ARB2A: variants seen among roughly 807,000 people sequenced by gnomAD.
ARB2A encodes the protein ARB2 cotranscriptional regulator A.
At chr5:93,821,858 C>T in the ARB2A span, among the ~76,000 whole-genome samples, 8 of 151,396 alleles carry the variant, frequency 5.3e-5, no homozygotes, top group Admixed American at 1.3e-4. Context: ...TGCCACCATC[C>T]GTATGCTTCC....
chr5:94,087,936 G>T, the ARB2A span, among the ~76,000 whole-genome samples: 7 of 152,186 alleles, frequency 4.6e-5, no homozygotes, highest in African/African-American at 1.7e-4. Context: ...TATGCTGTTC[G>T]CACAACAATG....
the ARB2A span, chr5:93,824,395 AATAAT>A: frequency 1.9e-6 from 1 of 514,722 alleles, no homozygotes; most frequent in Non-Finnish European, 3.1e-6. Context: ...TCAAAATAAA[AATAAT>A]ATAAAAGAAC....
the ARB2A span, among the ~76,000 whole-genome samples, chr5:93,992,272 C>T: frequency 1.3e-5 from 2 of 151,972 alleles, no homozygotes; most frequent in Non-Finnish European, 2.9e-5. Context: ...ACAGTAAGTT[C>T]TTTAAGCTAA....
chr5:94,012,274 T>C, the ARB2A span, among the ~76,000 whole-genome samples: 165 of 152,224 alleles, frequency 1.1e-3, no homozygotes, highest in East Asian at 2.7e-3. Context: ...TGGTGGTGGG[T>C]GCCTGTAGTC....
the ARB2A span, chr5:94,050,930 T>G: frequency 1.2e-6 from 1 of 827,968 alleles, no homozygotes; most frequent in Non-Finnish European, 1.8e-6. Flanking sequence ...TAAAATAACT[T>G]TCTCAGAACA....
At chr5:93,849,834 A>G in the ARB2A span, among the ~76,000 whole-genome samples, 1 of 152,238 alleles carries the variant, frequency 6.6e-6, no homozygotes, top group East Asian at 1.9e-4. Context: ...AAATTAGGCC[A>G]GCTCAAAAGG....
chr5:93,854,186 G>A, the ARB2A span, among the ~76,000 whole-genome samples: 179 of 152,294 alleles, frequency 1.2e-3, no homozygotes, highest in African/African-American at 4.1e-3. Flanking sequence ...TTAGTCTTGG[G>A]AGGGTGTATG....
the ARB2A span, among the ~76,000 whole-genome samples, chr5:93,842,081 T>C: frequency 1.3e-5 from 2 of 152,186 alleles, no homozygotes; most frequent in Non-Finnish European, 2.9e-5. Flanking sequence ...TATGTTTCAA[T>C]TGTTAGGAAA....
the ARB2A span, among the ~76,000 whole-genome samples, chr5:93,979,343 C>T: frequency 6.6e-6 from 1 of 151,904 alleles, no homozygotes; most frequent in Non-Finnish European, 1.5e-5. Context: ...TATTATGGTT[C>T]AATGGAAACA....
chr5:93,922,074 A>G, the ARB2A span, among the ~76,000 whole-genome samples: 1 of 152,188 alleles, frequency 6.6e-6, no homozygotes, highest in Non-Finnish European at 1.5e-5. Flanking sequence ...TGTCAATGCC[A>G]TAGAAGAGAA....
At chr5:93,925,425 A>G in the ARB2A span, among the ~76,000 whole-genome samples, 1 of 152,218 alleles carries the variant, frequency 6.6e-6, no homozygotes, top group African/African-American at 2.4e-5. Flanking sequence ...GGCAGAGAAG[A>G]AAGCCCATTA....
chr5:94,039,770 T>C, the ARB2A span, among the ~76,000 whole-genome samples: 2 of 152,144 alleles, frequency 1.3e-5, no homozygotes, highest in Non-Finnish European at 2.9e-5. Flanking sequence ...GAAGGGACTA[T>C]AGTGCAGAAA....
the ARB2A span, among the ~76,000 whole-genome samples, chr5:94,002,014 T>G: frequency 1.3e-5 from 2 of 152,112 alleles, no homozygotes; most frequent in Non-Finnish European, 2.9e-5. Flanking sequence ...ACTATGAGCT[T>G]CACAGGTGTT....
chr5:93,940,843 A>G, the ARB2A span, among the ~76,000 whole-genome samples: 1 of 152,146 alleles, frequency 6.6e-6, no homozygotes, highest in Non-Finnish European at 1.5e-5. Flanking sequence ...AGTTTAGACT[A>G]TTTCCTACTA....
At chr5:93,634,755 T>C in the ARB2A span, among the ~76,000 whole-genome samples, 1 of 152,084 alleles carries the variant, frequency 6.6e-6, no homozygotes, top group African/African-American at 2.4e-5. Context: ...AATATAAAAC[T>C]GAGACTCTTT....
At chr5:93,866,455 G>C in the ARB2A span, among the ~76,000 whole-genome samples, 112 of 152,038 alleles carry the variant, frequency 7.4e-4, no homozygotes, top group Non-Finnish European at 9.1e-4. Flanking sequence ...CACACACACA[G>C]AAACCCACAT....
chr5:93,866,043 T>G, the ARB2A span: 2 of 983,418 alleles, frequency 2.0e-6, no homozygotes, highest in Non-Finnish European at 2.4e-6. Context: ...AAATAATCTA[T>G]AATATGCTAT....
chr5:93,748,593 T>C, the ARB2A span, among the ~76,000 whole-genome samples: 1 of 152,022 alleles, frequency 6.6e-6, no homozygotes, highest in Non-Finnish European at 1.5e-5. Context: ...TAATAACAAC[T>C]ACAGGAAGTC....
the ARB2A span, among the ~76,000 whole-genome samples, chr5:93,998,692 A>G: frequency 6.6e-6 from 1 of 152,018 alleles, no homozygotes; most frequent in African/African-American, 2.4e-5. Flanking sequence ...TTAAAGAGAT[A>G]TTCCATTTAA....
Sources: gnomAD v4.1 joint callset for allele counts (sites outside exome capture counted in the v4.1 genomes callset) on GRCh38, gnomAD v4.1.1 for gene constraint, MANE v1.5 for transcripts, NCBI Gene and HGNC (gene_info 2026-07-23, HGNC 2026-07-21) for gene names.